MNT: variants seen among roughly 807,000 people sequenced by gnomAD.
The protein encoded by MNT is MAX network transcriptional repressor.
MNT carries 13 observed loss-of-function variants against 40.7 expected under a neutral mutation model. That is an observed-to-expected ratio of 0.32 (90% CI 0.21 to 0.51). MNT has a LOEUF of 0.51. Ranked by LOEUF, MNT falls within the 20% of genes least tolerant of loss-of-function variation. MNT has a pLI of 0.98. For synonymous variants in MNT, 426 were observed against 354.8 expected (o/e 1.20, Z -2.26); for missense variants, 757 against 792.0 (o/e 0.96, Z 0.53).
At chr17:2,387,731 G>C (rs1182381206) in intron 5 of MNT, 82 bp from the exon 6 acceptor site, 39 of 1,573,408 alleles carry the variant, frequency 2.5e-5, no homozygotes, top group Non-Finnish European at 3.2e-5. Flanking sequence ...TGGGGGCGTG[G>C]GAATGTGATG....
Position 2,394,034 on chromosome 17 carries a change from G to C in MNT, c.807+9C>G, listed in dbSNP as rs763864434. 2 of 1,564,252 alleles carry C rather than the reference G, an allele frequency of 1.3e-6. No homozygotes were observed. Among genetic ancestry groups the C allele is most frequent in the Non-Finnish European group, 1.7e-6 (2 of 1,156,650 alleles). Reference sequence around the variant, plus strand: ...GAAGCTGCGCGACGCCGGCCTCCGGGCCCCATACCTGGATGTACCGCAGCG... The same window carrying C: ...GAAGCTGCGCGACGCCGGCCTCCGGCCCCCATACCTGGATGTACCGCAGCG... On this transcript the variant is annotated intron_variant, in intron 4 of 5. Coordinates refer to ENST00000174618, the MANE Select transcript of MNT (RefSeq NM_020310.3).
At position 2,384,597 on chromosome 17, in the gene MNT, C is replaced by CGTGTGCGTGCGT. The variant is rs1555610474; in HGVS notation, c.*2303_*2304insACGCACGCACAC. ...GAGGTAAGATGTGTGCGTGTGCGTG[C>CGTGTGCGTGCGT]GTGTGTGTGTGTGTGTGTGTGTGTG... On this transcript the variant is annotated 3_prime_UTR_variant, in exon 6 of 6. Transcript: ENST00000174618. The CGTGTGCGTGCGT allele has an allele frequency of 1.6e-4, 23 of 145,770 alleles. No individual in the cohort carries two copies. Among genetic ancestry groups the CGTGTGCGTGCGT allele is most frequent in the Admixed American group, 1.6e-3 (23 of 14,674 alleles). The allele number at this position is 145,770 out of a possible 1,614,324, so 9.0% of individuals were successfully genotyped here. A position where few individuals can be genotyped will look rare whatever the true frequency, so the allele number is the denominator to read the frequency against.
intron 2 of MNT, 135 bp from the exon 3 acceptor site, chr17:2,394,481 G>A: frequency 7.5e-7 from 1 of 1,337,748 alleles, no homozygotes; most frequent in Non-Finnish European, 1.0e-6. Context: ...GGAGACGTTC[G>A]CCCTGTGCCA....
Position 2,387,847 on chromosome 17 carries a change from T to C in MNT, c.1000+10A>G, listed in dbSNP as rs775996280. The C allele has an allele frequency of 6.3e-7, 1 of 1,592,736 alleles. No individual in the cohort carries two copies. On this transcript the variant is annotated intron_variant, in intron 5 of 5. Coordinates refer to ENST00000174618, the MANE Select transcript of MNT (RefSeq NM_020310.3). ...AGGGCTGGGGGGCCAGCGTGGGGGC[T>C]GGGGCTCACCAGAGGCGGTGGAGGT...
At chr17:2,388,784 C>T (rs1024656034) in intron 4 of MNT, among the ~76,000 whole-genome samples, 6 of 152,158 alleles carry the variant, frequency 3.9e-5, no homozygotes, top group East Asian at 1.9e-4. Context: ...CAGTCTTTCC[C>T]GTGCTCCAAC....
intron 4 of MNT, 84 bp downstream of exon 4, chr17:2,393,959 A>G: frequency 1.2e-6 from 1 of 822,742 alleles, no homozygotes; most frequent in South Asian, 3.2e-5. Context: ...CCGGGGCGTG[A>G]GGGCGGGGCG....
intron 1 of MNT, among the ~76,000 whole-genome samples, chr17:2,397,501 A>G (rs1405756764): frequency 6.6e-6 from 1 of 152,172 alleles, no homozygotes; most frequent in Non-Finnish European, 1.5e-5. Context: ...AGTCACAAGG[A>G]CATGTGGGAC....
At chr17:2,391,400 C>G (rs2066512880) in intron 4 of MNT, 1 of 152,312 alleles carries the variant, frequency 6.6e-6, no homozygotes, top group East Asian at 1.9e-4. Flanking sequence ...GAACTCAACC[C>G]ACCTGTGGGT....
chr17:2,393,917 C>A, intron 4 of MNT, 126 bp downstream of exon 4: 1 of 504,524 alleles, frequency 2.0e-6, no homozygotes, highest in Non-Finnish European at 3.2e-6. Context: ...TCAGCGCCCG[C>A]GTGGAGGTGG....
rs2066611560 is a variant in MNT at position 2,401,035 on chromosome 17, G to T, written c.-323C>A. ...CCCCGCGGCCCCCGGGAGTCCCGCC[G>T]ACAAGAAAGGGCTTTGCAACAAGAT... On this transcript the variant is annotated 5_prime_UTR_variant, in exon 1 of 6. Transcript: ENST00000174618. The T allele has an allele frequency of 4.2e-6, 1 of 239,034 alleles. No homozygotes were observed. The highest frequency in any genetic ancestry group is 8.1e-6 in the Non-Finnish European group (1 of 123,542). 14.8% of individuals were successfully genotyped at this position (239,034 alleles called of 1,614,324 possible). A position where few individuals can be genotyped will look rare whatever the true frequency, so the allele number is the denominator to read the frequency against.
chr17:2,393,869 G>A, intron 4 of MNT, 174 bp downstream of exon 4: 1 of 336,830 alleles, frequency 3.0e-6, no homozygotes, highest in Non-Finnish European at 5.2e-6. Flanking sequence ...GCGCCCTCCC[G>A]GGCAGGGAGC....
intron 4 of MNT, among the ~76,000 whole-genome samples, chr17:2,388,899 A>C (rs567344462): frequency 6.6e-6 from 1 of 152,182 alleles, no homozygotes; most frequent in Admixed American, 6.5e-5. Flanking sequence ...CAACGCCGAC[A>C]CGTGTCCTTG....
intron 4 of MNT, chr17:2,389,541 CTGGGA>C (rs1261407109): frequency 6.6e-6 from 1 of 152,304 alleles, no homozygotes; most frequent in African/African-American, 2.4e-5. Flanking sequence ...TCCGAAAGTG[CTGGGA>C]TTACAGGCAT....
At chr17:2,393,985 A>C (rs562976796) in intron 4 of MNT, 58 bp downstream of exon 4, 21 of 1,209,890 alleles carry the variant, frequency 1.7e-5, no homozygotes, top group Non-Finnish European at 2.1e-5. Flanking sequence ...CGGCCGGGGG[A>C]GGGGCGGCGG....
Position 2,394,003 on chromosome 17 carries a change from G to T in MNT, c.807+40C>A, listed in dbSNP as rs781614414. ...CCGGGGGAGGGGCGGCGGAGGGAGGGCGGGGGAAGCTGCGCGACGCCGGCC... is the reference window on the plus strand; with the variant it reads ...CCGGGGGAGGGGCGGCGGAGGGAGGTCGGGGGAAGCTGCGCGACGCCGGCC... On this transcript the variant is annotated intron_variant, in intron 4 of 5. Transcript: ENST00000174618. 5 of 1,446,900 alleles carry T rather than the reference G, an allele frequency of 3.5e-6. No homozygotes were observed. The African/African-American group carries it at 7.4e-5, about 21-fold the overall frequency. 89.6% of individuals were successfully genotyped at this position (1,446,900 alleles called of 1,614,324 possible). A position where few individuals can be genotyped will look rare whatever the true frequency, so the allele number is the denominator to read the frequency against.
chr17:2,395,100 A>C lies in MNT; in HGVS notation c.428T>G (p.Val143Gly), dbSNP rs2066565504. 2 of 1,499,718 alleles carry C rather than the reference A, an allele frequency of 1.3e-6. No individual in the cohort carries two copies. Among genetic ancestry groups the C allele is most frequent in the Non-Finnish European group, 1.8e-6 (2 of 1,126,050 alleles). 92.9% of individuals were successfully genotyped at this position (1,499,718 alleles called of 1,614,324 possible). A position where few individuals can be genotyped will look rare whatever the true frequency, so the allele number is the denominator to read the frequency against. ...EPAPLPSRPQVPTPAPLLPDS... is the reference protein window; with the variant it reads ...EPAPLPSRPQGPTPAPLLPDS... ...CGGCAGTAGGGGAGCAGGGGTGGGC[A>C]CCTGCGGCCTGCTGGGCAGGGGGGC... Residue 143 changes from valine (V) to glycine (G), a missense_variant, in exon 2 of 6, where the codon GTG (valine) becomes GGG (glycine). Physicochemically the swap from Val to Gly is moderately radical, Grantham distance 109. This residue lies in a region of MNT where 335 missense variants were observed against 291.4 expected (regional missense o/e 1.15). Coordinates refer to ENST00000174618, the MANE Select transcript of MNT (RefSeq NM_020310.3).
At chr17:2,397,476 T>A (rs558022740) in intron 1 of MNT, among the ~76,000 whole-genome samples, 1 of 152,206 alleles carries the variant, frequency 6.6e-6, no homozygotes, top group African/African-American at 2.4e-5. Context: ...AGAGGAACAA[T>A]CAGGGCCCTC....
At chr17:2,395,898 A>AT (rs528239782) in intron 1 of MNT, among the ~76,000 whole-genome samples, 3 of 151,742 alleles carry the variant, frequency 2.0e-5, no homozygotes, top group Non-Finnish European at 4.4e-5. Flanking sequence ...TTCACACCAG[A>AT]GGGGGGGGTG....
chr17:2,391,822 G>A (rs753082983), intron 4 of MNT: 1 of 152,326 alleles, frequency 6.6e-6, no homozygotes, highest in Non-Finnish European at 1.5e-5. Context: ...TGTTCTTAGA[G>A]ACGGAGGTCG....
Sources: gnomAD v4.1 joint callset for allele counts (sites outside exome capture counted in the v4.1 genomes callset) on GRCh38, gnomAD v4.1.1 for gene constraint, gnomAD v4.1.1 regional missense constraint, MANE v1.5 for transcripts, NCBI Gene and HGNC (gene_info 2026-07-23, HGNC 2026-07-21) for gene names.